The following NEK6 variants were observed in gnomAD, a reference collection of about 807,000 sequenced individuals.
NEK6 encodes NIMA related kinase 6.
Under a neutral mutation model 43.5 loss-of-function variants are expected in NEK6, and 27 were observed. The ratio of observed to expected loss-of-function variants is 0.62; its 90% CI spans 0.46 to 0.86. The LOEUF (loss-of-function observed/expected upper bound fraction) is 0.86, where lower values mean the gene tolerates loss of function less well. Among genes scored for constraint, NEK6 ranks in the 40% least tolerant of loss-of-function variants. The pLI, the probability that NEK6 is intolerant of heterozygous loss-of-function variation, is 0.00. For synonymous variants in NEK6, 167 were observed against 164.1 expected (o/e 1.02, Z -0.14); for missense variants, 318 against 414.4 (o/e 0.77, Z 2.02).
At chr9:124,333,925 G>C (rs1048871543) in intron 7 of NEK6, among the ~76,000 whole-genome samples, 1 of 152,028 alleles carries the variant, frequency 6.6e-6, no homozygotes, top group African/African-American at 2.4e-5. Flanking sequence ...GTACAGGCGC[G>C]TGCCACCACA....
At chr9:124,337,302 G>C (rs1178947271) in intron 7 of NEK6, among the ~76,000 whole-genome samples, 1 of 152,224 alleles carries the variant, frequency 6.6e-6, no homozygotes, top group Non-Finnish European at 1.5e-5. Flanking sequence ...GTTTCCTGCG[G>C]GGAGAAGAGG....
chr9:124,339,718 G>A (rs2131039952), intron 8 of NEK6, 53 bp downstream of exon 8: 1 of 1,330,276 alleles, frequency 7.5e-7, no homozygotes, highest in Non-Finnish European at 1.1e-6. Context: ...CATGGGGGGT[G>A]CCCAGTTAGG....
intron 1 of NEK6, among the ~76,000 whole-genome samples, chr9:124,261,955 C>CT (rs544517624): frequency 0.015 from 2,203 of 143,458 alleles, 34 homozygotes; most frequent in African/African-American, 0.035. Flanking sequence ...ACATTTTTAT[C>CT]TTTTTTTTTT....
intron 7 of NEK6, among the ~76,000 whole-genome samples, chr9:124,335,049 C>T (rs1354888372): frequency 6.6e-6 from 1 of 152,194 alleles, no homozygotes; most frequent in Non-Finnish European, 1.5e-5. Flanking sequence ...GACAGGACTC[C>T]CTGCCTGCAT....
At chr9:124,319,665 T>A (rs183992144) in intron 4 of NEK6, among the ~76,000 whole-genome samples, 5 of 152,226 alleles carry the variant, frequency 3.3e-5, no homozygotes, top group African/African-American at 1.2e-4. Flanking sequence ...TTCATTCTTC[T>A]GCATATAGCT....
At chr9:124,320,055 C>T (rs1396111327) in intron 4 of NEK6, among the ~76,000 whole-genome samples, 1 of 152,260 alleles carries the variant, frequency 6.6e-6, no homozygotes, top group Non-Finnish European at 1.5e-5. Flanking sequence ...ATTGAATGTG[C>T]TGCACCTGCG....
chr9:124,292,033 C>G (rs910257056), intron 1 of NEK6: 1 of 995,244 alleles, frequency 1.0e-6, no homozygotes. Flanking sequence ...CATGTCTGCC[C>G]TCAACCCAGA....
At chr9:124,273,832 T>C (rs1044355824) in intron 1 of NEK6, among the ~76,000 whole-genome samples, 1 of 152,176 alleles carries the variant, frequency 6.6e-6, no homozygotes, top group African/African-American at 2.4e-5. Context: ...TGTATATTTG[T>C]AAAATGAGGC....
chr9:124,268,194 G>A (rs1364289910), intron 1 of NEK6, among the ~76,000 whole-genome samples: 1 of 152,208 alleles, frequency 6.6e-6, no homozygotes, highest in Non-Finnish European at 1.5e-5. Flanking sequence ...TTACTGGAGA[G>A]CCTTTATTTC....
At chr9:124,319,087 C>T (rs1329991493) in intron 4 of NEK6, among the ~76,000 whole-genome samples, 3 of 152,180 alleles carry the variant, frequency 2.0e-5, no homozygotes, top group Admixed American at 1.3e-4. Context: ...CAGGTTCAAG[C>T]GATTCTCCTG....
intron 1 of NEK6, among the ~76,000 whole-genome samples, chr9:124,269,867 C>A (rs1303775317): frequency 6.6e-6 from 1 of 152,130 alleles, no homozygotes; most frequent in Non-Finnish European, 1.5e-5. Flanking sequence ...TGTCCTGTGG[C>A]CCCTGAGCCT....
chr9:124,309,843 G>A (rs532158588), intron 2 of NEK6, among the ~76,000 whole-genome samples: 1 of 152,370 alleles, frequency 6.6e-6, no homozygotes, highest in Admixed American at 6.5e-5. Context: ...GCGCCAGGTC[G>A]TGTCAGGCAC....
intron 8 of NEK6, among the ~76,000 whole-genome samples, chr9:124,340,669 T>C (rs1367051110): frequency 6.6e-6 from 1 of 152,226 alleles, no homozygotes; most frequent in Non-Finnish European, 1.5e-5. Context: ...CTTGAGCAGA[T>C]GTGGGGTCTG....
chr9:124,346,173 C>G (rs572140662), intron 8 of NEK6, among the ~76,000 whole-genome samples: 2 of 152,338 alleles, frequency 1.3e-5, no homozygotes, highest in African/African-American at 4.8e-5. Flanking sequence ...GGTGCTGAAC[C>G]TGGGGCTGAG....
chr9:124,331,710 C>A (rs1490748724), intron 7 of NEK6, among the ~76,000 whole-genome samples: 1 of 152,186 alleles, frequency 6.6e-6, no homozygotes, highest in Admixed American at 6.5e-5. Context: ...GGGATCACAC[C>A]ATGCTGTGCT....
intron 8 of NEK6, among the ~76,000 whole-genome samples, chr9:124,341,857 G>A (rs1221870344): frequency 6.6e-6 from 1 of 152,352 alleles, no homozygotes; most frequent in Admixed American, 6.5e-5. Context: ...AAACCTGCTG[G>A]TGTAGGGCCC....
At chr9:124,339,523 C>T (rs930314937) in intron 7 of NEK6, 48 bp from the exon 8 acceptor site, 7 of 1,386,538 alleles carry the variant, frequency 5.0e-6, no homozygotes, top group Non-Finnish European at 7.2e-6. Flanking sequence ...GTGCCCTGCC[C>T]CTGCCCTACA....
intron 1 of NEK6, chr9:124,258,397 C>G: frequency 6.3e-6 from 6 of 954,108 alleles, no homozygotes; most frequent in Non-Finnish European, 7.5e-6. Flanking sequence ...TGGCTCCCCG[C>G]TACCCACTTC....
At chr9:124,339,289 C>A (rs1829461916) in intron 7 of NEK6, among the ~76,000 whole-genome samples, 1 of 151,530 alleles carries the variant, frequency 6.6e-6, no homozygotes, top group Non-Finnish European at 1.5e-5. Context: ...GCCATGGCGC[C>A]CAGCCTCCCA....
Sources: gnomAD v4.1 joint callset for allele counts (sites outside exome capture counted in the v4.1 genomes callset) on GRCh38, gnomAD v4.1.1 for gene constraint, MANE v1.5 for transcripts, NCBI Gene and HGNC (gene_info 2026-07-23, HGNC 2026-07-21) for gene names.